The following ETF1 variants were observed in gnomAD, a reference collection of about 807,000 sequenced individuals.
The protein encoded by ETF1 is eukaryotic translation termination factor 1.
ETF1 carries 4 observed loss-of-function variants against 55.1 expected under a neutral mutation model. The ratio of observed to expected loss-of-function variants is 0.07; its 90% CI spans 0.04 to 0.17. The LOEUF (loss-of-function observed/expected upper bound fraction) is 0.17. Ranked by LOEUF, ETF1 falls within the 10% of genes least tolerant of loss-of-function variation. The pLI, the probability that ETF1 is intolerant of heterozygous loss-of-function variation, is 1.00. For missense variants in ETF1, 142 were observed against 523.6 expected, an observed-to-expected ratio of 0.27 and a Z score of 7.11; for synonymous variants, 157 against 182.3, an observed-to-expected ratio of 0.86 and a Z score of 1.12.
chr5:138,522,405 A>T (rs1235393555), intron 2 of ETF1, among the ~76,000 whole-genome samples: 1 of 152,172 alleles, frequency 6.6e-6, no homozygotes, highest in Admixed American at 6.6e-5. Context: ...GCTGTTGGGA[A>T]TGTTAAGTGG....
chr5:138,519,685 T>C (rs1172730481), intron 2 of ETF1, among the ~76,000 whole-genome samples: 1 of 151,488 alleles, frequency 6.6e-6, no homozygotes, highest in Non-Finnish European at 1.5e-5. Flanking sequence ...AAAAAATCTC[T>C]CTCTCACAAA....
At chr5:138,514,127 G>GT (rs1764921238) in intron 4 of ETF1, 4 of 154,588 alleles carry the variant, frequency 2.6e-5, no homozygotes, top group East Asian at 1.9e-4. Flanking sequence ...GACAAATACT[G>GT]TATGACTCCA....
intron 2 of ETF1, among the ~76,000 whole-genome samples, chr5:138,532,349 G>A (rs1765736519): frequency 6.6e-6 from 1 of 152,168 alleles, no homozygotes; most frequent in Non-Finnish European, 1.5e-5. Context: ...TCACTTAATG[G>A]CCGTGTGACC....
At chr5:138,542,200 G>A (rs929261497) in intron 2 of ETF1, among the ~76,000 whole-genome samples, 37 of 152,108 alleles carry the variant, frequency 2.4e-4, no homozygotes, top group Non-Finnish European at 1.5e-5. Flanking sequence ...CGCGTACGTT[G>A]GCATTTTCAG....
intron 2 of ETF1, among the ~76,000 whole-genome samples, chr5:138,523,006 A>AAAACAAAC (rs145234315): frequency 2.7e-5 from 4 of 150,852 alleles, no homozygotes; most frequent in African/African-American, 9.7e-5. Context: ...ACTCCATCTC[A>AAAACAAAC]AAACAAACAA....
chr5:138,541,199 T>C (rs1272956236), intron 2 of ETF1, among the ~76,000 whole-genome samples: 1 of 152,214 alleles, frequency 6.6e-6, no homozygotes, highest in East Asian at 1.9e-4. Flanking sequence ...TGGCTAATTC[T>C]TGGTAGTGCA....
At chr5:138,542,555 C>G (rs573963613) in intron 2 of ETF1, 40 of 1,254,534 alleles carry the variant, frequency 3.2e-5, no homozygotes, top group Non-Finnish European at 4.1e-5. Context: ...ACTTAAGGGC[C>G]CGGGAGAGGT....
intron 2 of ETF1, among the ~76,000 whole-genome samples, chr5:138,525,431 C>G (rs1346385934): frequency 6.6e-6 from 1 of 150,754 alleles, no homozygotes; most frequent in Non-Finnish European, 1.5e-5. Flanking sequence ...GATGGGATTA[C>G]AGGCGTGAGC....
chr5:138,518,322 C>T (rs1043979687), intron 3 of ETF1, among the ~76,000 whole-genome samples: 6 of 151,922 alleles, frequency 3.9e-5, no homozygotes, highest in Non-Finnish European at 7.4e-5. Context: ...TTGATTCTCT[C>T]GCCTCAGCCT....
chr5:138,533,327 T>C (rs866906676), intron 2 of ETF1, among the ~76,000 whole-genome samples: 1 of 151,904 alleles, frequency 6.6e-6, no homozygotes, highest in East Asian at 1.9e-4. Context: ...ATTCCTACCA[T>C]CATCTCTATA....
intron 2 of ETF1, among the ~76,000 whole-genome samples, chr5:138,528,097 G>T (rs919875184): frequency 6.6e-6 from 1 of 152,082 alleles, no homozygotes; most frequent in Non-Finnish European, 1.5e-5. Context: ...AAAGGTGTTG[G>T]TTTTTTAAAA....
intron 8 of ETF1, 21 bp downstream of exon 8, chr5:138,511,024 C>T (rs1561828510): frequency 1.2e-6 from 2 of 1,609,020 alleles, no homozygotes; most frequent in South Asian, 1.1e-5. Context: ...AAATAGCAAC[C>T]TTATTTTCTA....
chr5:138,527,219 C>T (rs1580705801), intron 2 of ETF1, among the ~76,000 whole-genome samples: 2 of 152,294 alleles, frequency 1.3e-5, no homozygotes, highest in East Asian at 1.9e-4. Flanking sequence ...AGATTGGCAG[C>T]CAAAGTTACA....
intron 9 of ETF1, among the ~76,000 whole-genome samples, chr5:138,509,401 T>G (rs1278550979): frequency 2.6e-5 from 4 of 152,114 alleles, no homozygotes; most frequent in Non-Finnish European, 5.9e-5. Context: ...CCTATTAAAT[T>G]TCAAGGATAA....
At chr5:138,521,783 G>A (rs891507204) in intron 2 of ETF1, among the ~76,000 whole-genome samples, 5 of 152,162 alleles carry the variant, frequency 3.3e-5, no homozygotes, top group Non-Finnish European at 7.4e-5. Context: ...CCCTGCCTCA[G>A]CCTCCCAAAG....
chr5:138,517,072 AT>A (rs1322601999), intron 4 of ETF1, among the ~76,000 whole-genome samples: 1 of 152,216 alleles, frequency 6.6e-6, no homozygotes, highest in Non-Finnish European at 1.5e-5. Flanking sequence ...ATATGATTCC[AT>A]TATATAAAAT....
intron 2 of ETF1, among the ~76,000 whole-genome samples, chr5:138,535,211 A>C (rs1765868609): frequency 6.6e-6 from 1 of 151,958 alleles, no homozygotes; most frequent in Non-Finnish European, 1.5e-5. Context: ...AGACCTCCCA[A>C]AGTACTGGGA....
At chr5:138,536,869 G>C (rs975388778) in intron 2 of ETF1, among the ~76,000 whole-genome samples, 2 of 152,126 alleles carry the variant, frequency 1.3e-5, no homozygotes, top group African/African-American at 4.8e-5. Flanking sequence ...GTGAAGAAAG[G>C]GTCCAACTGG....
rs891106276 is a variant in ETF1 at position 138,519,039 on chromosome 5, G to A, written c.87-172C>T. 6 of 982,268 alleles carry A rather than the reference G, an allele frequency of 6.1e-6. No homozygotes were observed. The African/African-American group carries it at 8.7e-5, about 14-fold the overall frequency. The allele number at this position is 982,268 out of a possible 1,614,324, so 60.8% of individuals were successfully genotyped here. ...TCTTGTTTATGAACGTATACACAGA[G>A]TTAGGAACAGTGTTCAGAATCTAGT... is the stretch of plus-strand genomic sequence containing the variant. On this transcript the variant is annotated intron_variant, in intron 2 of 10. Transcript: ENST00000360541.
Sources: gnomAD v4.1 joint callset for allele counts (sites outside exome capture counted in the v4.1 genomes callset) on GRCh38, gnomAD v4.1.1 for gene constraint, MANE v1.5 for transcripts, NCBI Gene and HGNC (gene_info 2026-07-23, HGNC 2026-07-21) for gene names.